The following PCDHGA5 variants were observed in gnomAD, a reference collection of about 807,000 sequenced individuals.
PCDHGA5 encodes the protein protocadherin gamma subfamily A, 5, also known as protocadherin gamma-A5.
Under a neutral mutation model 56.7 loss-of-function variants are expected in PCDHGA5, and 36 were observed. That is an observed-to-expected ratio of 0.64 (90% CI 0.49 to 0.84). The LOEUF (loss-of-function observed/expected upper bound fraction) is 0.84. Among genes scored for constraint, PCDHGA5 ranks in the 40% least tolerant of loss-of-function variants. The pLI is 0.00. For synonymous variants in PCDHGA5, 563 were observed against 520.2 expected, an observed-to-expected ratio of 1.08 and a Z score of -1.12; for missense variants, 1,305 against 1,201.5, an observed-to-expected ratio of 1.09 and a Z score of -1.27.
chr5:141,367,606 T>A (rs1765261229), intron 1 of PCDHGA5: 1 of 152,056 alleles, frequency 6.6e-6, no homozygotes, highest in African/African-American at 2.4e-5. Context: ...ATATTAATGA[T>A]AACATGTAGC....
intron 1 of PCDHGA5, among the ~76,000 whole-genome samples, chr5:141,437,811 C>A (rs964885701): frequency 6.6e-6 from 1 of 150,864 alleles, no homozygotes; most frequent in African/African-American, 2.4e-5. Flanking sequence ...TATCTTGGCT[C>A]ACTGCAACCT....
In PCDHGA5 at chr5:141,375,693, G is replaced by C. The variant is rs112671050; in HGVS notation, c.2421+8942G>C. 1,209 of 1,614,256 alleles carry C rather than the reference G, an allele frequency of 7.5e-4. 14 individuals carry two copies. In the African/African-American group the frequency reaches 0.015, roughly 20 times the overall value. On this transcript the variant is annotated intron_variant, in intron 1 of 3. Coordinates refer to ENST00000518069, the MANE Select transcript of PCDHGA5 (RefSeq NM_018918.3). ...CAGCTGTGGGTGACAGCCAGCGACA[G>C]CGGGGACCCGCCTCTTAGCAGCAAC... is the stretch of plus-strand genomic sequence containing the variant.
chr5:141,492,396 A>G (rs1400291073), intron 1 of PCDHGA5, among the ~76,000 whole-genome samples: 1 of 152,188 alleles, frequency 6.6e-6, no homozygotes, highest in Non-Finnish European at 1.5e-5. Flanking sequence ...GTCCACTCGC[A>G]GCTCCCCTCT....
Position 141,485,119 on chromosome 5 carries a change from C to A in PCDHGA5, c.2422-9688C>A. 3.0e-6 allele frequency: 4 copies of A among 1,328,812 alleles called. No homozygotes were observed. Among genetic ancestry groups the A allele is most frequent in the Non-Finnish European group, 4.3e-6 (4 of 935,940 alleles). The allele number at this position is 1,328,812 out of a possible 1,614,324, so 82.3% of individuals were successfully genotyped here. ...CTCCAGCTGCTGTGGCTGTTTGGGG[C>A]GGGTCGGCTTCATCCGCGTCTCAGG... On this transcript the variant is annotated intron_variant, in intron 1 of 3. Transcript: ENST00000518069. This position sits in a 1 kb window ranked among gnomAD's most constrained non-coding sequence, Gnocchi z 5.7.
At chr5:141,393,909 A>G (rs2092874602) in intron 1 of PCDHGA5, 1 of 1,613,980 alleles carries the variant, frequency 6.2e-7, no homozygotes, top group Non-Finnish European at 8.5e-7. Flanking sequence ...CGGGACAGTA[A>G]TTGCCTTCTT....
At position 141,365,821 on chromosome 5, in the gene PCDHGA5, G is replaced by T. The variant is rs756787528; in HGVS notation, c.1491G>T (p.Gln497His). The change falls in exon 1 of 4, where the codon CAG becomes CAT. Residue 497 changes from glutamine (Q) to histidine (H), a missense_variant. Physicochemically the swap from Gln to His is conservative, Grantham distance 24. Coordinates refer to ENST00000518069, the MANE Select transcript of PCDHGA5 (RefSeq NM_018918.3). ...VTYSLAEDTF[Q>H]GAPLSSYVSI... Reference sequence around the variant, plus strand: ...ACTCCCTGGCTGAAGACACATTTCAGGGGGCGCCCTTGTCCTCCTATGTAT... The same window carrying T: ...ACTCCCTGGCTGAAGACACATTTCATGGGGCGCCCTTGTCCTCCTATGTAT... 1 of 1,613,908 alleles carries T rather than the reference G, an allele frequency of 6.2e-7. No homozygotes were observed. Among genetic ancestry groups the T allele is most frequent in the East Asian group, 2.2e-5 (1 of 44,872 alleles).
chr5:141,491,932 G>A lies in PCDHGA5; in HGVS notation c.2422-2875G>A. Reference sequence around the variant, plus strand: ...GGCGACTGTGGGCGAGGGGAGGTGGGACCGACCCCCACCCCTACACTCAAA... The same window carrying A: ...GGCGACTGTGGGCGAGGGGAGGTGGAACCGACCCCCACCCCTACACTCAAA... On this transcript the variant is annotated intron_variant, in intron 1 of 3. Transcript: ENST00000518069. This position sits in a 1 kb window ranked among gnomAD's most constrained non-coding sequence, Gnocchi z 6.9. 1 of 1,259,014 alleles carries A rather than the reference G, an allele frequency of 7.9e-7. No homozygotes were observed. The highest frequency in any genetic ancestry group is 1.1e-6 in the Non-Finnish European group (1 of 926,048). The allele number at this position is 1,259,014 out of a possible 1,614,324, so 78.0% of individuals were successfully genotyped here. A position where few individuals can be genotyped will look rare whatever the true frequency, so the allele number is the denominator to read the frequency against.
In PCDHGA5 at chr5:141,364,846, C is replaced by A; in HGVS notation, c.516C>A (p.Leu172=). The A allele has an allele frequency of 3.1e-6, 5 of 1,613,994 alleles. No individual in the cohort carries two copies. Among genetic ancestry groups the A allele is most frequent in the Non-Finnish European group, 4.2e-6 (5 of 1,179,900 alleles). The change falls in exon 1 of 4, where the codon CTC becomes CTA. Residue 172 remains leucine, a synonymous_variant. Transcript: ENST00000518069. ...VGVNSLRSYQ[L]SSNLHFSLDV... is the part of the protein sequence containing the mutation. Reference sequence around the variant, plus strand: ...TGAACTCTCTCCGGAGTTACCAGCTCAGCTCCAATCTGCACTTCTCTCTGG... The same window carrying A: ...TGAACTCTCTCCGGAGTTACCAGCTAAGCTCCAATCTGCACTTCTCTCTGG...
chr5:141,401,109 C>G (rs1389316272), intron 1 of PCDHGA5, among the ~76,000 whole-genome samples: 2 of 152,012 alleles, frequency 1.3e-5, no homozygotes, highest in African/African-American at 2.4e-5. Flanking sequence ...TTTGGGAGGC[C>G]GAGGCGGTTG....
intron 1 of PCDHGA5, chr5:141,404,696 G>A (rs757662807): frequency 6.2e-7 from 1 of 1,614,104 alleles, no homozygotes; most frequent in Non-Finnish European, 8.5e-7. Context: ...ACCCCGCTCT[G>A]CAGAGCCTGG....
chr5:141,405,758 G>A (rs533667979), intron 1 of PCDHGA5, among the ~76,000 whole-genome samples: 8 of 152,246 alleles, frequency 5.3e-5, no homozygotes, highest in South Asian at 2.1e-4. Context: ...GATTACAGGC[G>A]TGAGCCACTG....
In PCDHGA5 at chr5:141,491,158, GA is replaced by G; in HGVS notation, c.2422-3648del. On this transcript the variant is annotated intron_variant, in intron 1 of 3. Transcript: ENST00000518069. This position sits in a 1 kb window ranked among gnomAD's most constrained non-coding sequence, Gnocchi z 6.9. ...CCGGGCCTTACTGGAGGATGACTCT[GA>G]CACCCAGCAGGTGGTGGTCCTGGTG... 6.2e-7 allele frequency: 1 copy of G among 1,614,130 alleles called. No homozygotes were observed. The highest frequency in any genetic ancestry group is 8.5e-7 in the Non-Finnish European group (1 of 1,179,972).
chr5:141,465,413 G>A (rs996581829), intron 1 of PCDHGA5, among the ~76,000 whole-genome samples: 1 of 152,174 alleles, frequency 6.6e-6, no homozygotes, highest in Non-Finnish European at 1.5e-5. Context: ...AGCCAAATCA[G>A]CACTGAAAGG....
intron 1 of PCDHGA5, chr5:141,398,413 T>G (rs774602022): frequency 1.3e-6 from 2 of 1,490,692 alleles, no homozygotes; most frequent in South Asian, 1.1e-5. Context: ...GGAGGAGATA[T>G]GCGGGAAGAA....
In PCDHGA5 at chr5:141,380,718, C is replaced by T. The variant is rs1776684550; in HGVS notation, c.2421+13967C>T. Among the ~76,000 whole-genome samples the T allele has an allele frequency of 2.6e-5, 4 of 152,158 alleles. No homozygotes were observed. In the South Asian group the frequency reaches 8.3e-4, roughly 32 times the overall value. On this transcript the variant is annotated intron_variant, in intron 1 of 3. Transcript: ENST00000518069. ...GTAGTCTATAATTTAATTTAACTAG[C>T]TCTTATTTCCTTTTCTCCAAAGAAG...
At chr5:141,385,779 A>G (rs956234823) in intron 1 of PCDHGA5, 3 of 161,336 alleles carry the variant, frequency 1.9e-5, no homozygotes, top group Admixed American at 1.8e-4. Context: ...GCCTCCATGT[A>G]CCTCAGCTTG....
At chr5:141,435,730 T>C (rs913229799) in intron 1 of PCDHGA5, among the ~76,000 whole-genome samples, 1 of 152,226 alleles carries the variant, frequency 6.6e-6, no homozygotes, top group African/African-American at 2.4e-5. Context: ...TAAAGTGTAT[T>C]ACTCTTTGAA....
chr5:141,491,529 G>C lies in PCDHGA5; in HGVS notation c.2422-3278G>C. 1 of 1,614,040 alleles carries C rather than the reference G, an allele frequency of 6.2e-7. No individual in the cohort carries two copies. The highest frequency in any genetic ancestry group is 1.1e-5 in the South Asian group (1 of 91,080). On this transcript the variant is annotated intron_variant, in intron 1 of 3. Coordinates refer to ENST00000518069, the MANE Select transcript of PCDHGA5 (RefSeq NM_018918.3). The surrounding 1 kb of genome is among the most constrained non-coding windows in gnomAD (Gnocchi z 6.9). ...GCACGCTCAAGTACATGGAGGTGACGCTGCGGCCCACAGACTCGCAGAGCC... is the reference window on the plus strand; with the variant it reads ...GCACGCTCAAGTACATGGAGGTGACCCTGCGGCCCACAGACTCGCAGAGCC...
At position 141,491,583 on chromosome 5, in the gene PCDHGA5, C is replaced by T; in HGVS notation, c.2422-3224C>T. On this transcript the variant is annotated intron_variant, in intron 1 of 3. Transcript: ENST00000518069. The surrounding 1 kb of genome is among the most constrained non-coding windows in gnomAD (Gnocchi z 6.9). ...GCTACAGGACGTGCTTTTCACCGGC[C>T]TCGGACGGCAGTGACTTCACTTTTC... 1 of 1,613,964 alleles carries T rather than the reference C, an allele frequency of 6.2e-7. No individual in the cohort carries two copies. Among genetic ancestry groups the T allele is most frequent in the African/African-American group, 1.3e-5 (1 of 75,032 alleles).
Sources: gnomAD v4.1 joint callset for allele counts (sites outside exome capture counted in the v4.1 genomes callset) on GRCh38, gnomAD v4.1.1 for gene constraint, Gnocchi (gnomAD v3.1) non-coding constraint, MANE v1.5 for transcripts, NCBI Gene and HGNC (gene_info 2026-07-23, HGNC 2026-07-21) for gene names.